The following EGFLAM variants were observed in gnomAD, a reference collection of about 807,000 sequenced individuals.
EGFLAM encodes the protein EGF like, fibronectin type III and laminin G domains.
Under a neutral mutation model 113.1 loss-of-function variants are expected in EGFLAM, and 79 were observed. That is an observed-to-expected ratio of 0.70 (90% confidence interval 0.58 to 0.84). The LOEUF (loss-of-function observed/expected upper bound fraction) is 0.84. EGFLAM is among the 40% of genes least tolerant of loss of function. The pLI is 0.00. For missense variants in EGFLAM, 1,265 were observed against 1,291.6 expected (o/e 0.98, Z 0.32); for synonymous variants, 504 against 487.6 (o/e 1.03, Z -0.44).
At chr5:38,295,679 T>C (rs542685081) in intron 1 of EGFLAM, among the ~76,000 whole-genome samples, 25 of 152,194 alleles carry the variant, frequency 1.6e-4, no homozygotes, top group Non-Finnish European at 3.5e-4. Context: ...ATCCTCAAAA[T>C]GTAATAACAA....
In EGFLAM at chr5:38,370,726, C is replaced by T. The variant is rs140556542; in HGVS notation, c.712+264C>T. Among the ~76,000 whole-genome samples, 35 of 152,312 alleles carry T rather than the reference C, an allele frequency of 2.3e-4. No homozygotes were observed. In the East Asian group the frequency reaches 6.7e-3, roughly 29 times the overall value. On this transcript the variant is annotated intron_variant, in intron 6 of 21. Coordinates refer to ENST00000322350, the MANE Select transcript of EGFLAM (RefSeq NM_152403.4). ...TGAGGTCAGTTTTCTTTCACAGTCA[C>T]ACAACAGACCACATAGCAAAATGAT... is the stretch of plus-strand genomic sequence containing the variant.
chr5:38,326,885 G>A (rs1348570940), intron 1 of EGFLAM, among the ~76,000 whole-genome samples: 2 of 148,130 alleles, frequency 1.4e-5, no homozygotes, highest in African/African-American at 2.5e-5. Context: ...AGCAACCTCC[G>A]CCTCCCAGGT....
At chr5:38,273,475 A>AG (rs1757814941) in intron 1 of EGFLAM, among the ~76,000 whole-genome samples, 1 of 152,246 alleles carries the variant, frequency 6.6e-6, no homozygotes, top group Non-Finnish European at 1.5e-5. Context: ...GGCATGCCCC[A>AG]GTGCTGTACT....
intron 1 of EGFLAM, among the ~76,000 whole-genome samples, chr5:38,302,188 G>A (rs1268725338): frequency 6.8e-6 from 1 of 148,078 alleles, no homozygotes; most frequent in Non-Finnish European, 1.5e-5. Flanking sequence ...AGTGAGCCGA[G>A]ATAGTGCCAT....
chr5:38,303,883 C>G (rs1758656498), intron 1 of EGFLAM, among the ~76,000 whole-genome samples: 1 of 152,090 alleles, frequency 6.6e-6, no homozygotes, highest in East Asian at 1.9e-4. Context: ...TGCCTGTAAC[C>G]TCAGCACTTT....
chr5:38,451,704 G>T (rs184944684), intron 19 of EGFLAM: 3 of 491,498 alleles, frequency 6.1e-6, no homozygotes, highest in Admixed American at 3.8e-5. Flanking sequence ...ATAAAGTCTT[G>T]CTGGGGCCGG....
intron 1 of EGFLAM, among the ~76,000 whole-genome samples, chr5:38,306,976 C>T (rs1012595062): frequency 1.3e-5 from 2 of 152,152 alleles, no homozygotes; most frequent in Admixed American, 6.5e-5. Context: ...GGCCCTGGAT[C>T]GCTAGCCCCG....
chr5:38,302,588 A>G (rs1758612384), intron 1 of EGFLAM, among the ~76,000 whole-genome samples: 1 of 152,084 alleles, frequency 6.6e-6, no homozygotes. Context: ...AATATAATTA[A>G]CTTTATCTCC....
chr5:38,307,964 G>A (rs1040512584), intron 1 of EGFLAM, among the ~76,000 whole-genome samples: 1 of 152,160 alleles, frequency 6.6e-6, no homozygotes, highest in Non-Finnish European at 1.5e-5. Context: ...TGACTCTTGG[G>A]TCTCAGTTTG....
At chr5:38,426,899 G>A in intron 13 of EGFLAM, 110 bp from the exon 14 acceptor site, 1 of 1,483,754 alleles carries the variant, frequency 6.7e-7, no homozygotes. Flanking sequence ...CAGGGCTGCT[G>A]GGAATTGTAG....
chr5:38,439,517 G>A (rs771757102), intron 17 of EGFLAM, among the ~76,000 whole-genome samples: 2 of 152,130 alleles, frequency 1.3e-5, no homozygotes, highest in Admixed American at 6.5e-5. Context: ...TAAATTACAG[G>A]TAGGTATGTT....
rs1323015774 is a variant in EGFLAM, at chr5:38,412,591, T to C, written c.1437T>C (p.Asp479=). 1.9e-6 allele frequency: 3 copies of C among 1,614,026 alleles called. No homozygotes were observed. The highest frequency in any genetic ancestry group is 1.3e-5 in the African/African-American group (1 of 74,914). The change falls in exon 11 of 22, where the codon GAT becomes GAC. Residue 479 remains aspartate, a synonymous_variant. Transcript: ENST00000322350. ...GGWHTVMLYR[D]GLNGLLQLNN... ...GGCACACGGTTATGCTCTACAGAGA[T>C]GGGCTGAACGGGCTGCTGCAGCTGA... is the stretch of plus-strand genomic sequence containing the variant.
At chr5:38,444,748 C>G (rs1165659373) in intron 17 of EGFLAM, among the ~76,000 whole-genome samples, 1 of 152,130 alleles carries the variant, frequency 6.6e-6, no homozygotes, top group Non-Finnish European at 1.5e-5. Context: ...AGGTCGAGAC[C>G]AGCCTGGCCA....
intron 1 of EGFLAM, among the ~76,000 whole-genome samples, chr5:38,274,603 A>C (rs1278475849): frequency 6.6e-6 from 1 of 152,204 alleles, no homozygotes; most frequent in Non-Finnish European, 1.5e-5. Flanking sequence ...GTACCCAGAA[A>C]AGCTGTCCTT....
At chr5:38,416,507 A>C (rs975266276) in intron 11 of EGFLAM, among the ~76,000 whole-genome samples, 1 of 152,204 alleles carries the variant, frequency 6.6e-6, no homozygotes, top group Non-Finnish European at 1.5e-5. Context: ...AGGCAGGCAA[A>C]GCAAGCTCCA....
chr5:38,416,186 AAT>A (rs975013127), intron 11 of EGFLAM, among the ~76,000 whole-genome samples: 2 of 152,206 alleles, frequency 1.3e-5, no homozygotes, highest in African/African-American at 4.8e-5. Context: ...GTGGCTGTTT[AAT>A]AAGCTTTCTG....
chr5:38,349,754 G>A (rs1579805196), intron 3 of EGFLAM, among the ~76,000 whole-genome samples: 3 of 145,838 alleles, frequency 2.1e-5, no homozygotes, highest in African/African-American at 7.7e-5. Flanking sequence ...AGGGCCCTTT[G>A]TGCAGGGGAA....
intron 6 of EGFLAM, among the ~76,000 whole-genome samples, chr5:38,392,466 C>T (rs1339965465): frequency 6.6e-6 from 1 of 152,184 alleles, no homozygotes; most frequent in Non-Finnish European, 1.5e-5. Context: ...TCCTCTGGGT[C>T]TATACCCACT....
intron 14 of EGFLAM, among the ~76,000 whole-genome samples, chr5:38,427,798 A>G (rs1435644496): frequency 6.6e-6 from 1 of 152,238 alleles, no homozygotes. Context: ...CCTAAGCAAT[A>G]TGCTCAAGAA....
Sources: gnomAD v4.1 joint callset for allele counts (sites outside exome capture counted in the v4.1 genomes callset) on GRCh38, gnomAD v4.1.1 for gene constraint, MANE v1.5 for transcripts, NCBI Gene and HGNC (gene_info 2026-07-23, HGNC 2026-07-21) for gene names.